Variants in DNAH5 observed in about 807,000 individuals in gnomAD.
DNAH5 encodes the protein axonemal beta dynein heavy chain 5.
DNAH5 carries 372 observed loss-of-function variants against 518.2 expected under a neutral mutation model. The observed-to-expected ratio is 0.72, with a 90% CI of 0.66 to 0.78. The LOEUF (loss-of-function observed/expected upper bound fraction) is 0.78. Among genes scored for constraint, DNAH5 ranks in the 30% least tolerant of loss-of-function variants. The pLI, the probability that DNAH5 is intolerant of heterozygous loss-of-function variation, is 0.00. For synonymous variants in DNAH5, 2,039 were observed against 2,025.9 expected (o/e 1.01, Z -0.17); for missense variants, 5,523 against 5,687.0 (o/e 0.97, Z 0.93).
intron 75 of DNAH5, among the ~76,000 whole-genome samples, chr5:13,710,535 G>C (rs961072031): frequency 6.6e-6 from 1 of 151,896 alleles, no homozygotes; most frequent in Non-Finnish European, 1.5e-5. Flanking sequence ...AATACAAAAG[G>C]TAAATGAAAC....
intron 1 of DNAH5, among the ~76,000 whole-genome samples, chr5:13,980,954 T>C (rs1006509265): frequency 2.0e-5 from 3 of 152,186 alleles, no homozygotes; most frequent in East Asian, 3.9e-4. Flanking sequence ...GCCACATGAT[T>C]CTCTCAAGTC....
intron 1 of DNAH5, among the ~76,000 whole-genome samples, chr5:13,958,117 A>T (rs984310821): frequency 6.6e-5 from 10 of 151,246 alleles, no homozygotes; most frequent in African/African-American, 2.2e-4. Context: ...TTTTTTTTTT[A>T]CTTTTAGATT....
intron 1 of DNAH5, among the ~76,000 whole-genome samples, chr5:13,979,076 C>T (rs747634498): frequency 1.3e-5 from 2 of 152,110 alleles, no homozygotes; most frequent in African/African-American, 2.4e-5. Flanking sequence ...TTCCTTCCCC[C>T]TGCTGGTCTC....
chr5:13,861,129 T>C (rs940931502), intron 29 of DNAH5, among the ~76,000 whole-genome samples: 2 of 152,178 alleles, frequency 1.3e-5, no homozygotes, highest in African/African-American at 4.8e-5. Context: ...TTAGATGCCA[T>C]TGAAAAGAAA....
At chr5:13,724,184 T>A (rs1357252610) in intron 70 of DNAH5, among the ~76,000 whole-genome samples, 1 of 152,236 alleles carries the variant, frequency 6.6e-6, no homozygotes, top group East Asian at 1.9e-4. Flanking sequence ...CATTACTCGG[T>A]CTCCCCATCT....
At chr5:13,957,547 C>T (rs186066004) in intron 1 of DNAH5, among the ~76,000 whole-genome samples, 2 of 151,946 alleles carry the variant, frequency 1.3e-5, no homozygotes, top group Non-Finnish European at 2.9e-5. Flanking sequence ...CTATCTATAT[C>T]ATATGGCCCA....
chr5:13,773,323 A>G (rs887789181), intron 55 of DNAH5, among the ~76,000 whole-genome samples: 9 of 152,202 alleles, frequency 5.9e-5, no homozygotes, highest in Non-Finnish European at 5.9e-5. Flanking sequence ...TCCAAAGAGA[A>G]CAAAGGAGGA....
chr5:13,952,765 A>T (rs1267692474), intron 1 of DNAH5, among the ~76,000 whole-genome samples: 1 of 152,138 alleles, frequency 6.6e-6, no homozygotes, highest in African/African-American at 2.4e-5. Context: ...TAACCCGTTT[A>T]TTTACCCATT....
Position 13,792,116 on chromosome 5 carries a change from T to C in DNAH5, c.8326A>G (p.Met2776Val), listed in dbSNP as rs1342061538. 3 of 1,613,954 alleles carry C rather than the reference T, an allele frequency of 1.9e-6. No homozygotes were observed. Among genetic ancestry groups the C allele is most frequent in the Admixed American group, 3.3e-5 (2 of 59,974 alleles). The change falls in exon 50 of 79, where the codon ATG becomes GTG. Residue 2776 changes from methionine to valine, a missense_variant. Physicochemically the swap from Met to Val is conservative, Grantham distance 21. Around this residue, in one of 3 missense-constraint regions of DNAH5, gnomAD observed 5,121 missense variants for 5,223.3 expected, o/e 0.98. Coordinates refer to ENST00000265104, the MANE Select transcript of DNAH5 (RefSeq NM_001369.3). ...LVPLTRRLWQ[M>V]TKIKMLPTPA... The stretch of plus-strand genomic sequence containing the variant: ...GTAGGAAGCATTTTAATCTTGGTCA[T>C]CTGCCATAGTCGGCGTGTCAGAGGC...
chr5:13,761,804 C>CTT (rs1751823494), intron 60 of DNAH5, among the ~76,000 whole-genome samples: 1 of 152,174 alleles, frequency 6.6e-6, no homozygotes, highest in Non-Finnish European at 1.5e-5. Context: ...TCAAATGACT[C>CTT]TTTGTCCCTT....
chr5:13,804,828 T>C (rs1450183736), intron 47 of DNAH5, among the ~76,000 whole-genome samples: 1 of 152,248 alleles, frequency 6.6e-6, no homozygotes, highest in African/African-American at 2.4e-5. Flanking sequence ...ATATGGTTTA[T>C]GAATTTGTAT....
At chr5:13,948,777 C>T (rs151052901), upstream of DNAH5, among the ~76,000 whole-genome samples, 1,303 of 102,138 alleles carry the variant, frequency 0.013, 18 homozygotes, top group African/African-American at 0.038. Flanking sequence ...TATAGCTGCA[C>T]GCCGGTAAGG....
rs751944938 is a variant in DNAH5 at position 13,841,037 on chromosome 5, T to A, written c.5578A>T (p.Asn1860Tyr). Residue 1860 changes from asparagine (N) to tyrosine (Y), a missense_variant, in exon 34 of 79, where the codon AAT becomes TAT. Physicochemically the swap from Asn to Tyr is moderately radical, Grantham distance 143. Coordinates refer to ENST00000265104, the MANE Select transcript of DNAH5 (RefSeq NM_001369.3). ...TTGAGTAGCTCCAGGAAAGCCTGAT[T>A]AGTTTTCTGCATGATTTTTTTATCA... ...KFDKKIMQKTNQAFLELLNTL... is the reference protein window; with the variant it reads ...KFDKKIMQKTYQAFLELLNTL... 1.2e-6 allele frequency: 2 copies of A among 1,614,182 alleles called. No homozygotes were observed. Among genetic ancestry groups the A allele is most frequent in the East Asian group, 2.2e-5 (1 of 44,874 alleles).
intron 59 of DNAH5, among the ~76,000 whole-genome samples, chr5:13,765,507 T>C (rs537377908): frequency 6.6e-6 from 1 of 152,332 alleles, no homozygotes; most frequent in African/African-American, 2.4e-5. Context: ...CAAGAGAGAT[T>C]TCTGGGGTCT....
In DNAH5 at chr5:13,922,278, AC is replaced by A; in HGVS notation, c.488del (p.Ser163MetfsTer2). 6.2e-7 allele frequency: 1 copy of A among 1,613,720 alleles called. No individual in the cohort carries two copies. Among genetic ancestry groups the A allele is most frequent in the Non-Finnish European group, 8.5e-7 (1 of 1,179,828 alleles). On this transcript the variant is annotated frameshift_variant, in exon 5 of 79. Transcript: ENST00000265104. LOFTEE classifies it high-confidence loss of function. ...AGATGTCCGACAGCAAACGTCTCACACTGTTGAGCAGGCCTCCATCTGCCGC... is the reference window on the plus strand; with the variant it reads ...AGATGTCCGACAGCAAACGTCTCACATGTTGAGCAGGCCTCCATCTGCCGC... ...LDAADGGLLN[S>X]VRRLLSDIFI...
chr5:13,981,393 TAA>T (rs954930652), intron 1 of DNAH5, among the ~76,000 whole-genome samples: 10 of 152,252 alleles, frequency 6.6e-5, no homozygotes, highest in African/African-American at 2.2e-4. Flanking sequence ...GGAACATTAT[TAA>T]AGAGACTAAG....
At chr5:13,898,482 C>T (rs989777564) in intron 15 of DNAH5, 1 of 398,346 alleles carries the variant, frequency 2.5e-6, no homozygotes, top group Non-Finnish European at 4.4e-6. Context: ...TGAGGAATGT[C>T]TGTCCATTGC....
chr5:13,773,472 C>A (rs1753631425), intron 55 of DNAH5, among the ~76,000 whole-genome samples: 1 of 152,084 alleles, frequency 6.6e-6, no homozygotes, highest in African/African-American at 2.4e-5. Flanking sequence ...GAGGTATATC[C>A]AAAGTTGAAC....
chr5:13,736,073 C>T (rs977019254), intron 66 of DNAH5, 141 bp from the exon 67 acceptor site: 34 of 681,846 alleles, frequency 5.0e-5, no homozygotes, highest in Admixed American at 2.7e-4. Context: ...GGATACAAAG[C>T]GATATTCATT....
Sources: gnomAD v4.1 joint callset for allele counts (sites outside exome capture counted in the v4.1 genomes callset) on GRCh38, gnomAD v4.1.1 for gene constraint, gnomAD v4.1.1 regional missense constraint, MANE v1.5 for transcripts, NCBI Gene and HGNC (gene_info 2026-07-23, HGNC 2026-07-21) for gene names.